Variants in KCNIP3 observed in about 807,000 individuals in gnomAD.
KCNIP3 encodes calsenilin.
Under a neutral mutation model 35.0 loss-of-function variants are expected in KCNIP3, and 28 were observed. The observed-to-expected ratio is 0.80, with a 90% CI of 0.59 to 1.10. KCNIP3 has a LOEUF of 1.10. KCNIP3 is among the 50% of genes least tolerant of loss of function. The pLI is 0.00. For missense variants in KCNIP3, 295 were observed against 338.4 expected, an observed-to-expected ratio of 0.87 and a Z score of 1.01; for synonymous variants, 134 against 133.8, an observed-to-expected ratio of 1.00 and a Z score of -0.01.
chr2:95,347,132 G>A (rs1226781524), intron 2 of KCNIP3: 1 of 1,605,034 alleles, frequency 6.2e-7, no homozygotes, highest in Non-Finnish European at 8.5e-7. Context: ...GGTAACGCGT[G>A]GCCACTTGCC....
At chr2:95,352,309 C>T (rs1028425374) in intron 2 of KCNIP3, among the ~76,000 whole-genome samples, 1 of 152,074 alleles carries the variant, frequency 6.6e-6, no homozygotes, top group African/African-American at 2.4e-5. Flanking sequence ...GGGCCCAACG[C>T]TGGGGCCCTC....
chr2:95,374,925 T>TTCC lies in KCNIP3; in HGVS notation c.376+8_376+9insTCC, dbSNP rs1224631186. ...AGTTCTTCCCTCAGGGAGGTGAGTCTGAGGCAGGGCAGCCCTGCTGTGTCC... is the reference window on the plus strand; with the variant it reads ...AGTTCTTCCCTCAGGGAGGTGAGTCTTCCGAGGCAGGGCAGCCCTGCTGTGTCC... On this transcript the variant is annotated intron_variant, in intron 4 of 8. Transcript: ENST00000295225. 9.9e-6 allele frequency: 16 copies of TTCC among 1,613,664 alleles called. No individual in the cohort carries two copies. Among genetic ancestry groups the TTCC allele is most frequent in the Non-Finnish European group, 1.4e-5 (16 of 1,179,902 alleles).
rs70964869 is a variant in KCNIP3 at position 95,373,414 on chromosome 2, GTTTTTTTTTTTTTTT to G, written c.182-870_182-856del. Among the ~76,000 whole-genome samples, 24 of 60,026 alleles carry G rather than the reference GTTTTTTTTTTTTTTT, an allele frequency of 4.0e-4. 2 individuals are homozygous for G. In the East Asian group the frequency reaches 0.013, roughly 32 times the overall value. 39.4% of individuals were successfully genotyped at this position (60,026 alleles called of 152,430 possible). A position where few individuals can be genotyped will look rare whatever the true frequency, so the allele number is the denominator to read the frequency against. On this transcript the variant is annotated intron_variant, in intron 2 of 8. Coordinates refer to ENST00000295225, the MANE Select transcript of KCNIP3 (RefSeq NM_013434.5). ...GCCATGGTTAGTTAACAAGTTTGTG[GTTTTTTTTTTTTTTT>G]TTTTTTTTTTTGAGATGCAGTCTTG...
At chr2:95,369,310 C>T (rs1679987316) in intron 2 of KCNIP3, among the ~76,000 whole-genome samples, 1 of 152,118 alleles carries the variant, frequency 6.6e-6, no homozygotes, top group South Asian at 2.1e-4. Context: ...TGGAAAACCC[C>T]TCTTGGTGTG....
intron 1 of KCNIP3, among the ~76,000 whole-genome samples, chr2:95,301,976 G>A (rs955301973): frequency 8.5e-5 from 13 of 152,110 alleles, no homozygotes; most frequent in African/African-American, 3.1e-4. Flanking sequence ...CGGCTCCCCC[G>A]ACAAGGCGAG....
At chr2:95,359,215 T>C (rs1427995637) in intron 2 of KCNIP3, among the ~76,000 whole-genome samples, 1 of 152,094 alleles carries the variant, frequency 6.6e-6, no homozygotes, top group Non-Finnish European at 1.5e-5. Context: ...CTAAATCAGA[T>C]ATGGGTGAGA....
intron 2 of KCNIP3, among the ~76,000 whole-genome samples, chr2:95,322,740 T>C (rs1678627748): frequency 6.6e-6 from 1 of 152,190 alleles, no homozygotes; most frequent in African/African-American, 2.4e-5. Context: ...ACCCCGCTTA[T>C]CCCGGCACAG....
intron 2 of KCNIP3, among the ~76,000 whole-genome samples, chr2:95,355,758 G>T (rs186812922): frequency 6.9e-4 from 105 of 152,226 alleles, no homozygotes; most frequent in African/African-American, 2.4e-3. Flanking sequence ...ATGGACATTT[G>T]GGTTGGTTCC....
At chr2:95,359,913 G>A (rs369056779) in intron 2 of KCNIP3, among the ~76,000 whole-genome samples, 58 of 152,354 alleles carry the variant, frequency 3.8e-4, no homozygotes, top group African/African-American at 1.3e-3. Context: ...CAGGTCCTTG[G>A]AGGGGGCCCT....
At chr2:95,312,577 C>T (rs1558759669) in intron 2 of KCNIP3, 1 of 152,458 alleles carries the variant, frequency 6.6e-6, no homozygotes, top group East Asian at 1.9e-4. Flanking sequence ...TTTACCGGAC[C>T]TTGTGCCGGC....
At chr2:95,308,545 C>T (rs1678235043) in intron 1 of KCNIP3, among the ~76,000 whole-genome samples, 1 of 152,220 alleles carries the variant, frequency 6.6e-6, no homozygotes, top group Non-Finnish European at 1.5e-5. Flanking sequence ...AGAGAATCCT[C>T]CCCCAGCTGG....
At chr2:95,317,731 TGAG>T (rs1413473220) in intron 2 of KCNIP3, among the ~76,000 whole-genome samples, 1 of 151,996 alleles carries the variant, frequency 6.6e-6, no homozygotes, top group African/African-American at 2.4e-5. Context: ...AGTGTCAGGC[TGAG>T]GAGAGGCTGG....
At position 95,378,726 on chromosome 2, in the gene KCNIP3, G is replaced by T. The variant is rs1328400392; in HGVS notation, c.448-2870G>T. 9.3e-5 allele frequency among the ~76,000 whole-genome samples: 14 copies of T among 151,216 alleles called. No individual in the cohort carries two copies. On this transcript the variant is annotated intron_variant, in intron 5 of 8. Coordinates refer to ENST00000295225, the MANE Select transcript of KCNIP3 (RefSeq NM_013434.5). This position sits in a 1 kb window ranked among gnomAD's most constrained non-coding sequence, Gnocchi z 4.0. ...TGCACCACTGTACTCCATCCAGCCT[G>T]GGTGACAGAGTGAGACTCAATCTCA...
At chr2:95,355,575 T>G (rs1435618424) in intron 2 of KCNIP3, among the ~76,000 whole-genome samples, 2 of 152,208 alleles carry the variant, frequency 1.3e-5, no homozygotes, top group Admixed American at 6.5e-5. Context: ...AGTTCCCACC[T>G]GTGAGTGAGA....
rs369705554 is a variant in KCNIP3 at position 95,324,905 on chromosome 2, T to C, written c.181+14385T>C. Among the ~76,000 whole-genome samples the C allele has an allele frequency of 4.6e-5, 7 of 152,314 alleles. No homozygotes were observed. The East Asian group carries it at 1.4e-3, about 29-fold the overall frequency. On this transcript the variant is annotated intron_variant, in intron 2 of 8. Transcript: ENST00000295225. ...CAGCCTGGGTGACAGAGTGAGACTC[T>C]GTCTCAAAAACAAGACAAAACAAAA...
chr2:95,371,515 T>C (rs1342204552), intron 2 of KCNIP3, among the ~76,000 whole-genome samples: 2 of 152,256 alleles, frequency 1.3e-5, no homozygotes, highest in African/African-American at 2.4e-5. Context: ...TCTACAATTA[T>C]ACAGTGTTCT....
In KCNIP3 at chr2:95,351,010, G is replaced by A. The variant is rs549819762; in HGVS notation, c.182-23286G>A. Among the ~76,000 whole-genome samples, 4 of 152,340 alleles carry A rather than the reference G, an allele frequency of 2.6e-5. No individual in the cohort carries two copies. In the South Asian group the frequency reaches 8.3e-4, roughly 32 times the overall value. On this transcript the variant is annotated intron_variant, in intron 2 of 8. Coordinates refer to ENST00000295225, the MANE Select transcript of KCNIP3 (RefSeq NM_013434.5). ...GTTGGGAGTTGGGCGCAAGGCCTTC[G>A]AGGACAGGGGCTCTGGGTCAGCAGC...
In KCNIP3 at chr2:95,380,463, C is replaced by T. The variant is rs139371676; in HGVS notation, c.448-1133C>T. Among the ~76,000 whole-genome samples, 172 of 152,332 alleles carry T rather than the reference C, an allele frequency of 1.1e-3. 4 individuals are homozygous for T. The East Asian group carries it at 0.027, about 24-fold the overall frequency. The stretch of plus-strand genomic sequence containing the variant: ...CTTGCACTCTGACCGTCCTCTGTCC[C>T]ACTTCGCTGGTACAGCCCCTTTCTC... On this transcript the variant is annotated intron_variant, in intron 5 of 8. Transcript: ENST00000295225.
chr2:95,362,159 C>G (rs1335954466), intron 2 of KCNIP3, among the ~76,000 whole-genome samples: 3 of 150,724 alleles, frequency 2.0e-5, no homozygotes, highest in Non-Finnish European at 3.0e-5. Context: ...CAGGCTGGAG[C>G]GCAGTGGTGT....
Sources: gnomAD v4.1 joint callset for allele counts (sites outside exome capture counted in the v4.1 genomes callset) on GRCh38, gnomAD v4.1.1 for gene constraint, Gnocchi (gnomAD v3.1) non-coding constraint, MANE v1.5 for transcripts, NCBI Gene and HGNC (gene_info 2026-07-23, HGNC 2026-07-21) for gene names.